CACNA2D3: variants seen among roughly 807,000 people sequenced by gnomAD.
The protein encoded by CACNA2D3 is voltage-dependent calcium channel subunit alpha-2/delta-3.
In CACNA2D3, 60 loss-of-function variants were observed where a neutral mutation model predicts 160.6. The ratio of observed to expected loss-of-function variants is 0.37; its 90% confidence interval spans 0.30 to 0.46. The LOEUF (loss-of-function observed/expected upper bound fraction) is 0.46, where lower values mean the gene tolerates loss of function less well. Among genes scored for constraint, CACNA2D3 ranks in the 20% least tolerant of loss-of-function variants. The probability of loss-of-function intolerance (pLI) is 1.00; values close to 1 mark genes in which losing one functional copy is unlikely to be tolerated. For synonymous variants in CACNA2D3, 558 were observed against 492.9 expected, an observed-to-expected ratio of 1.13 and a Z score of -1.75; for missense variants, 1,205 against 1,365.0, an observed-to-expected ratio of 0.88 and a Z score of 1.85.
intron 21 of CACNA2D3, among the ~76,000 whole-genome samples, chr3:54,883,248 T>A (rs543227186): frequency 2.0e-4 from 30 of 152,216 alleles, no homozygotes; most frequent in Middle Eastern, 3.2e-3. Flanking sequence ...GGTCTCGAAC[T>A]CCTGACCTCG....
At chr3:55,045,803 AAC>A (rs1704065844) in intron 35 of CACNA2D3, among the ~76,000 whole-genome samples, 1 of 151,182 alleles carries the variant, frequency 6.6e-6, no homozygotes, top group South Asian at 2.1e-4. Context: ...TAATAGATAA[AAC>A]AGTCTAAAAG....
intron 11 of CACNA2D3, among the ~76,000 whole-genome samples, chr3:54,705,134 T>C (rs1188284991): frequency 1.3e-5 from 2 of 152,186 alleles, no homozygotes; most frequent in African/African-American, 2.4e-5. Flanking sequence ...ATTTGTGAAA[T>C]ATTTCAAATG....
At chr3:54,581,920 T>C in intron 9 of CACNA2D3, 43 bp downstream of exon 9, 3 of 1,507,338 alleles carry the variant, frequency 2.0e-6, no homozygotes, top group East Asian at 2.3e-5. Context: ...GGTACACCCC[T>C]GTCTCCCTCA....
At chr3:54,896,059 G>A (rs1427124062) in intron 25 of CACNA2D3, among the ~76,000 whole-genome samples, 1 of 152,188 alleles carries the variant, frequency 6.6e-6, no homozygotes, top group Non-Finnish European at 1.5e-5. Context: ...TGGATTCATG[G>A]GGTAGATGGT....
At chr3:54,609,327 G>T (rs968555853) in intron 9 of CACNA2D3, among the ~76,000 whole-genome samples, 4 of 152,142 alleles carry the variant, frequency 2.6e-5, no homozygotes, top group Admixed American at 6.5e-5. Context: ...AGAAAATATA[G>T]ATCTGAGTGG....
chr3:55,019,155 A>G (rs945785260), intron 35 of CACNA2D3, among the ~76,000 whole-genome samples: 22 of 148,280 alleles, frequency 1.5e-4, no homozygotes, highest in Admixed American at 8.0e-4. Flanking sequence ...CTATATGCAG[A>G]TCTGTTTCCA....
intron 12 of CACNA2D3, 101 bp from the exon 13 acceptor site, chr3:54,764,117 A>G: frequency 7.6e-7 from 1 of 1,310,552 alleles, no homozygotes; most frequent in East Asian, 2.3e-5. Context: ...AGAAAAAAGA[A>G]GGAAACTAGC....
chr3:54,710,797 T>C (rs545058984), intron 11 of CACNA2D3, among the ~76,000 whole-genome samples: 2 of 152,340 alleles, frequency 1.3e-5, no homozygotes, highest in Middle Eastern at 6.8e-3. Flanking sequence ...CATTACATTT[T>C]AAGTATGTTT....
At chr3:54,850,673 C>A (rs965307229) in intron 17 of CACNA2D3, among the ~76,000 whole-genome samples, 1 of 152,180 alleles carries the variant, frequency 6.6e-6, no homozygotes, top group African/African-American at 2.4e-5. Context: ...CAGGAGAACA[C>A]AAAGGAGGTT....
chr3:54,516,466 T>C (rs1701553342), intron 5 of CACNA2D3, among the ~76,000 whole-genome samples: 1 of 152,346 alleles, frequency 6.6e-6, no homozygotes, highest in East Asian at 1.9e-4. Context: ...CAACAACTGC[T>C]GCTGTGCTGT....
chr3:54,626,432 A>T, intron 9 of CACNA2D3: 1 of 1,590,014 alleles, frequency 6.3e-7, no homozygotes, highest in Non-Finnish European at 8.6e-7. Context: ...GAGAAGCCGG[A>T]AGTGGTGAAG....
At chr3:54,403,672 G>A (rs1699514912) in intron 4 of CACNA2D3, among the ~76,000 whole-genome samples, 1 of 151,910 alleles carries the variant, frequency 6.6e-6, no homozygotes, top group Admixed American at 6.6e-5. Flanking sequence ...AATCAAATGA[G>A]GGATAGAAAA....
At chr3:54,998,347 T>C (rs1295605167) in intron 31 of CACNA2D3, among the ~76,000 whole-genome samples, 1 of 152,150 alleles carries the variant, frequency 6.6e-6, no homozygotes, top group African/African-American at 2.4e-5. Context: ...TTGGCCAGGC[T>C]AGTCTTGAAC....
intron 2 of CACNA2D3, among the ~76,000 whole-genome samples, chr3:54,252,256 G>C (rs1702206668): frequency 6.6e-6 from 1 of 151,934 alleles, no homozygotes; most frequent in African/African-American, 2.4e-5. Flanking sequence ...TTTAGGTTGG[G>C]CTTTTTGTAA....
At chr3:54,261,532 C>T (rs1702400223) in intron 2 of CACNA2D3, among the ~76,000 whole-genome samples, 1 of 152,192 alleles carries the variant, frequency 6.6e-6, no homozygotes, top group African/African-American at 2.4e-5. Context: ...GGCCTAAACC[C>T]CTTATTCTGC....
chr3:54,263,197 A>G (rs186989151), intron 2 of CACNA2D3, among the ~76,000 whole-genome samples: 3 of 152,316 alleles, frequency 2.0e-5, no homozygotes, highest in East Asian at 3.9e-4. Flanking sequence ...GTTGATACCT[A>G]TTAAGGTAGT....
chr3:54,726,927 A>C (rs1701287453), intron 11 of CACNA2D3, among the ~76,000 whole-genome samples: 1 of 152,228 alleles, frequency 6.6e-6, no homozygotes, highest in African/African-American at 2.4e-5. Flanking sequence ...AGCTAATTAA[A>C]CTAAAGAGCT....
At chr3:54,799,243 A>G (rs1379539094) in intron 13 of CACNA2D3, among the ~76,000 whole-genome samples, 1 of 152,224 alleles carries the variant, frequency 6.6e-6, no homozygotes, top group East Asian at 1.9e-4. Flanking sequence ...TATATTATAG[A>G]CCAGGTCTGT....
intron 2 of CACNA2D3, among the ~76,000 whole-genome samples, chr3:54,313,556 C>G (rs944702781): frequency 3.9e-5 from 6 of 152,114 alleles, no homozygotes; most frequent in Non-Finnish European, 2.9e-5. Context: ...TAGCACACCG[C>G]CCTTGATGAC....
Sources: allele counts gnomAD v4.1 joint callset (sites outside exome capture counted in the v4.1 genomes callset), GRCh38; gene constraint gnomAD v4.1.1; transcripts MANE v1.5; gene names NCBI Gene and HGNC (gene_info 2026-07-23, HGNC 2026-07-21).